ZNF626: variants seen among roughly 807,000 people sequenced by gnomAD.
ZNF626 encodes the protein CTC-513N18.7.
In ZNF626, 4 loss-of-function variants were observed where a neutral mutation model predicts 11.7. The observed-to-expected ratio is 0.34, with a 90% CI of 0.17 to 0.78. The LOEUF (loss-of-function observed/expected upper bound fraction) is 0.78, where lower values mean the gene tolerates loss of function less well. Among genes scored for constraint, ZNF626 ranks in the 30% least tolerant of loss-of-function variants. ZNF626 has a pLI of 0.57. For synonymous variants in ZNF626, 179 were observed against 198.6 expected, an observed-to-expected ratio of 0.90 and a Z score of 0.83; for missense variants, 588 against 587.1, an observed-to-expected ratio of 1.00 and a Z score of -0.01.
chr19:20,640,052 A>C (rs1970006077), intron 3 of ZNF626, among the ~76,000 whole-genome samples: 1 of 152,126 alleles, frequency 6.6e-6, no homozygotes, highest in Non-Finnish European at 1.5e-5. Flanking sequence ...TCTTCCACAA[A>C]GTTGCCATGA....
intron 1 of ZNF626, among the ~76,000 whole-genome samples, chr19:20,656,748 C>T (rs1230421300): frequency 6.6e-6 from 1 of 150,478 alleles, no homozygotes; most frequent in Non-Finnish European, 1.5e-5. Flanking sequence ...AATGAGATAC[C>T]ACCTCACACC....
At chr19:20,627,746 G>A (rs1434957227) in intron 3 of ZNF626, among the ~76,000 whole-genome samples, 1 of 152,102 alleles carries the variant, frequency 6.6e-6, no homozygotes, top group Admixed American at 6.6e-5. Flanking sequence ...AAAGTGGCAA[G>A]ACAGAAGTAG....
In ZNF626 at chr19:20,645,598, A is replaced by G. The variant is rs1970067770; in HGVS notation, c.226+86T>C. 4.6e-6 allele frequency: 7 copies of G among 1,521,266 alleles called. No homozygotes were observed. In the Admixed American group the frequency reaches 1.1e-4, roughly 24 times the overall value. The allele number at this position is 1,521,266 out of a possible 1,614,324, so 94.2% of individuals were successfully genotyped here. On this transcript the variant is annotated intron_variant, in intron 3 of 3. Transcript: ENST00000601440. ...ATTTCCTTTGGAACACAGCTCCCCA[A>G]ATCACACTTTAAGGACTGGCTTTCT...
chr19:20,652,249 A>AT (rs1970154122), intron 1 of ZNF626, among the ~76,000 whole-genome samples: 2 of 151,270 alleles, frequency 1.3e-5, no homozygotes, highest in Admixed American at 6.6e-5. Context: ...CGAAGGAGAG[A>AT]TCCCCCCCAT....
chr19:20,635,712 A>AT (rs1467182856), intron 3 of ZNF626, among the ~76,000 whole-genome samples: 3 of 152,238 alleles, frequency 2.0e-5, no homozygotes, highest in Admixed American at 1.3e-4. Flanking sequence ...ATACAGAGTA[A>AT]TTATTGTTTT....
intron 3 of ZNF626, among the ~76,000 whole-genome samples, chr19:20,634,550 C>T (rs1969946001): frequency 6.7e-6 from 1 of 150,344 alleles, no homozygotes; most frequent in Non-Finnish European, 1.5e-5. Context: ...CAGTATTAAG[C>T]ATGCACTTGT....
At chr19:20,648,631 A>G (rs868919723) in intron 1 of ZNF626, among the ~76,000 whole-genome samples, 5 of 152,128 alleles carry the variant, frequency 3.3e-5, no homozygotes, top group African/African-American at 1.2e-4. Context: ...TCAGCCTCCC[A>G]AAGTGCTGGG....
intron 1 of ZNF626, 102 bp downstream of exon 1, chr19:20,661,342 T>C: frequency 4.1e-6 from 6 of 1,452,488 alleles, no homozygotes; most frequent in East Asian, 2.3e-5. Context: ...GGGAGCAGAC[T>C]GTGGAGCTGA....
intron 3 of ZNF626, among the ~76,000 whole-genome samples, chr19:20,636,864 T>C (rs1480960742): frequency 1.3e-5 from 2 of 151,572 alleles, no homozygotes; most frequent in East Asian, 1.9e-4. Context: ...GTACTAAAAG[T>C]GCAAAAATTA....
intron 1 of ZNF626, 111 bp downstream of exon 1, chr19:20,661,333 G>A: frequency 7.2e-7 from 1 of 1,396,880 alleles, no homozygotes; most frequent in Non-Finnish European, 1.0e-6. Flanking sequence ...GAGAACTGGG[G>A]GAGCAGACTG....
intron 1 of ZNF626, among the ~76,000 whole-genome samples, chr19:20,653,582 T>C (rs1555772782): frequency 6.9e-6 from 1 of 145,652 alleles, no homozygotes; most frequent in Admixed American, 7.2e-5. Context: ...TGAGCCCAGA[T>C]AGCACCACTG....
chr19:20,637,542 A>G (rs1429423184), intron 3 of ZNF626, among the ~76,000 whole-genome samples: 1 of 151,880 alleles, frequency 6.6e-6, no homozygotes, highest in African/African-American at 2.4e-5. Context: ...AATAATTTTA[A>G]TATCAATAAA....
intron 1 of ZNF626, among the ~76,000 whole-genome samples, chr19:20,653,475 A>C (rs1970169388): frequency 6.6e-6 from 1 of 151,986 alleles, no homozygotes; most frequent in East Asian, 1.9e-4. Flanking sequence ...GTGTATGCTA[A>C]TTACTTATAT....
At chr19:20,643,646 T>C (rs1970046285) in intron 3 of ZNF626, among the ~76,000 whole-genome samples, 1 of 152,192 alleles carries the variant, frequency 6.6e-6, no homozygotes, top group Admixed American at 6.5e-5. Flanking sequence ...TCTATTTTCA[T>C]ATCCCCTTAT....
At chr19:20,648,898 C>T (rs781847975) in intron 1 of ZNF626, among the ~76,000 whole-genome samples, 1 of 152,012 alleles carries the variant, frequency 6.6e-6, no homozygotes, top group Non-Finnish European at 1.5e-5. Flanking sequence ...AGCTATGATG[C>T]GGAGAATAAG....
chr19:20,648,874 CA>C (rs1970114659), intron 1 of ZNF626, among the ~76,000 whole-genome samples: 1 of 152,140 alleles, frequency 6.6e-6, no homozygotes, highest in Admixed American at 6.5e-5. Flanking sequence ...GAGAATTCTG[CA>C]TGGCATATAA....
chr19:20,657,392 A>G (rs1970215991), intron 1 of ZNF626, among the ~76,000 whole-genome samples: 1 of 152,102 alleles, frequency 6.6e-6, no homozygotes, highest in African/African-American at 2.4e-5. Context: ...AATAAAATAA[A>G]AGATTTAGTA....
At chr19:20,661,344 T>C (rs1970265568) in intron 1 of ZNF626, 100 bp downstream of exon 1, 2 of 1,465,210 alleles carry the variant, frequency 1.4e-6, no homozygotes, top group Non-Finnish European at 1.9e-6. Context: ...GAGCAGACTG[T>C]GGAGCTGACT....
Position 20,625,505 on chromosome 19 carries a change from C to T in ZNF626, c.372G>A (p.Lys124=). Residue 124 remains lysine (K), a synonymous_variant, in exon 4 of 4, where the codon AAG becomes AAA. Transcript: ENST00000601440. ...GTTCATTATAACCTTCTTTGTGCACCTTACACTCATCCACACTTATACATC... is the reference window on the plus strand; with the variant it reads ...GTTCATTATAACCTTCTTTGTGCACTTTACACTCATCCACACTTATACATC... ...KKGCISVDEC[K]VHKEGYNELN... 1.2e-6 allele frequency: 2 copies of T among 1,613,930 alleles called. No individual in the cohort carries two copies. Among genetic ancestry groups the T allele is most frequent in the Non-Finnish European group, 8.5e-7 (1 of 1,179,970 alleles).
Sources: gnomAD v4.1 joint callset for allele counts (sites outside exome capture counted in the v4.1 genomes callset) on GRCh38, gnomAD v4.1.1 for gene constraint, MANE v1.5 for transcripts, NCBI Gene and HGNC (gene_info 2026-07-23, HGNC 2026-07-21) for gene names.